The following CHD6 variants were observed in gnomAD, a reference collection of about 807,000 sequenced individuals.
The protein encoded by CHD6 is chromodomain helicase DNA binding protein 6.
In CHD6, 50 loss-of-function variants were observed where a neutral mutation model predicts 276.9. The ratio of observed to expected loss-of-function variants is 0.18; its 90% CI spans 0.14 to 0.23. The LOEUF (loss-of-function observed/expected upper bound fraction) is 0.23. Among genes scored for constraint, CHD6 ranks in the 10% least tolerant of loss-of-function variants. The pLI is 1.00. For synonymous variants in CHD6, 1,173 were observed against 1,229.3 expected (o/e 0.95, Z 0.96); for missense variants, 2,564 against 3,365.8 (o/e 0.76, Z 5.89).
intron 17 of CHD6, among the ~76,000 whole-genome samples, chr20:41,466,630 G>T (rs1010606904): frequency 2.0e-5 from 3 of 152,180 alleles, no homozygotes; most frequent in Admixed American, 1.3e-4. Flanking sequence ...ATCTTATACG[G>T]CCCTTAAGTA....
chr20:41,530,195 G>A (rs757817121), intron 3 of CHD6, among the ~76,000 whole-genome samples: 15 of 152,170 alleles, frequency 9.9e-5, no homozygotes, highest in African/African-American at 1.7e-4. Context: ...GCTGATAAAC[G>A]AATGCCCATT....
In CHD6 at chr20:41,423,566, C is replaced by A. The variant is rs1362926095; in HGVS notation, c.4481G>T (p.Ser1494Ile). 4.3e-6 allele frequency: 7 copies of A among 1,614,096 alleles called. No individual in the cohort carries two copies. The South Asian group carries it at 4.4e-5, about 10-fold the overall frequency. Residue 1494 changes from serine (S) to isoleucine (I), a missense_variant, in exon 30 of 37, where the codon AGC becomes ATC. This residue lies in a region of CHD6 where 515 missense variants were observed against 739.5 expected (regional missense o/e 0.70). Transcript: ENST00000373233. ...AAAACTATAAAAATACTGTTCCAGG[C>A]TCTCATCCGACTTCTTGTCCAAACG... is the stretch of plus-strand genomic sequence containing the variant. ...ISRLDKKSDE[S>I]LEQYFYSFVA...
At chr20:41,417,693 G>A (rs1204905001) in intron 31 of CHD6, among the ~76,000 whole-genome samples, 1 of 152,192 alleles carries the variant, frequency 6.6e-6, no homozygotes, top group East Asian at 1.9e-4. Context: ...GTGGTCAAGG[G>A]AAAGCTGAAC....
At position 41,425,277 on chromosome 20, in the gene CHD6, G is replaced by C. The variant is rs759416243; in HGVS notation, c.4247C>G (p.Pro1416Arg). Reference sequence around the variant, plus strand: ...TTGGTTACCTGGTCCCAGAATTTCAGGCCGGCACAGTTCCTTGCGGTTGCA... The same window carrying C: ...TTGGTTACCTGGTCCCAGAATTTCACGCCGGCACAGTTCCTTGCGGTTGCA... ...QRCNRKELCRPEILGPGNQGY... is the reference protein window; with the variant it reads ...QRCNRKELCRREILGPGNQGY... The change falls in exon 29 of 37, where the codon CCT (proline) becomes CGT (arginine). Residue 1416 changes from proline (P) to arginine (R), a missense_variant. Around this residue, in one of 7 missense-constraint regions of CHD6, gnomAD observed 515 missense variants for 739.5 expected, o/e 0.70. Coordinates refer to ENST00000373233, the MANE Select transcript of CHD6 (RefSeq NM_032221.5). 6.2e-7 allele frequency: 1 copy of C among 1,614,166 alleles called. No individual in the cohort carries two copies. Among genetic ancestry groups the C allele is most frequent in the South Asian group, 1.1e-5 (1 of 91,082 alleles).
intron 3 of CHD6, among the ~76,000 whole-genome samples, chr20:41,520,430 A>T (rs2044362720): frequency 6.6e-6 from 1 of 152,168 alleles, no homozygotes; most frequent in Admixed American, 6.5e-5. Flanking sequence ...CAAATGTCCA[A>T]CAATGATAGA....
At chr20:41,406,660 T>G (rs1295020107) in intron 36 of CHD6, among the ~76,000 whole-genome samples, 1 of 152,210 alleles carries the variant, frequency 6.6e-6, no homozygotes, top group Non-Finnish European at 1.5e-5. Flanking sequence ...CCCTAGAGAT[T>G]GAGAGAATTT....
intron 36 of CHD6, among the ~76,000 whole-genome samples, chr20:41,406,422 G>A (rs1181561195): frequency 6.6e-6 from 1 of 152,208 alleles, no homozygotes; most frequent in African/African-American, 2.4e-5. Context: ...TAACCCATCA[G>A]GATGGCTGAG....
chr20:41,468,908 G>A (rs1292325420), intron 17 of CHD6, among the ~76,000 whole-genome samples: 1 of 152,140 alleles, frequency 6.6e-6, no homozygotes, highest in Non-Finnish European at 1.5e-5. Flanking sequence ...CAGCTATTCA[G>A]GAGGCTGAGG....
chr20:41,429,360 T>C (rs1290015166), intron 27 of CHD6, among the ~76,000 whole-genome samples: 1 of 152,232 alleles, frequency 6.6e-6, no homozygotes, highest in African/African-American at 2.4e-5. Flanking sequence ...ACGTGACATC[T>C]GTAATGATTT....
chr20:41,521,529 T>C (rs538084122), intron 3 of CHD6, among the ~76,000 whole-genome samples: 1 of 152,342 alleles, frequency 6.6e-6, no homozygotes, highest in Admixed American at 6.5e-5. Context: ...CATGTATATG[T>C]GCATGTGTAT....
At chr20:41,571,486 G>A (rs1354883242) in intron 1 of CHD6, among the ~76,000 whole-genome samples, 4 of 149,054 alleles carry the variant, frequency 2.7e-5, no homozygotes, top group East Asian at 2.0e-4. Flanking sequence ...TCCACCTCCC[G>A]GTTCAAGTGA....
intron 16 of CHD6, among the ~76,000 whole-genome samples, chr20:41,476,611 G>C (rs1214002496): frequency 6.6e-6 from 1 of 152,138 alleles, no homozygotes; most frequent in Admixed American, 6.6e-5. Context: ...TGAAGGCTTG[G>C]TAACATAACA....
chr20:41,604,658 C>T (rs764334007), intron 1 of CHD6, among the ~76,000 whole-genome samples: 5 of 152,184 alleles, frequency 3.3e-5, no homozygotes, highest in African/African-American at 7.2e-5. Context: ...TGAACAAACA[C>T]GTCTGCACTG....
At position 41,417,262 on chromosome 20, in the gene CHD6, C is replaced by T. The variant is rs181643165; in HGVS notation, c.6215G>A (p.Arg2072Gln). The stretch of plus-strand genomic sequence containing the variant: ...TAGCAGCTGAGCAATAGTGGGAGCT[C>T]GAGCCTCCTGTAGCTCATCCCCAAT... ...GDIGDELQEARAPTIAQLLQE... is the reference protein window; with the variant it reads ...GDIGDELQEAQAPTIAQLLQE... Residue 2072 changes from arginine to glutamine, a missense_variant, in exon 32 of 37, where the codon CGA becomes CAA. Arg to Gln is a conservative substitution (Grantham distance 43). Coordinates refer to ENST00000373233, the MANE Select transcript of CHD6 (RefSeq NM_032221.5). The T allele has an allele frequency of 1.4e-4, 228 of 1,614,050 alleles. No homozygotes were observed. In the Admixed American group the frequency reaches 1.7e-3, roughly 12 times the overall value.
rs570403837 is a variant in CHD6, at chr20:41,505,093, T to C, written c.853-5736A>G. ...GTATCCAGGGTCACTGACTGAGAGA[T>C]TGGCAGGTCTTTTTTCTCTTGAGCC... is the stretch of plus-strand genomic sequence containing the variant. On this transcript the variant is annotated intron_variant, in intron 5 of 36. Transcript: ENST00000373233. Among the ~76,000 whole-genome samples the C allele has an allele frequency of 1.6e-4, 25 of 152,300 alleles. No individual in the cohort carries two copies. In the South Asian group the frequency reaches 4.3e-3, roughly 26 times the overall value.
rs1223191635 is a variant in CHD6 at position 41,403,861 on chromosome 20, G to A, written c.*732C>T. 3.8e-6 allele frequency: 4 copies of A among 1,057,426 alleles called. No homozygotes were observed. In the African/African-American group the frequency reaches 6.6e-5, roughly 17 times the overall value. The allele number at this position is 1,057,426 out of a possible 1,614,324, so 65.5% of individuals were successfully genotyped here. ...CCCCCGTCGACAGCAATAACTCATGGTGGGTAAAGCTTTCTCGCAGCAAGA... is the reference window on the plus strand; with the variant it reads ...CCCCCGTCGACAGCAATAACTCATGATGGGTAAAGCTTTCTCGCAGCAAGA... On this transcript the variant is annotated 3_prime_UTR_variant, in exon 37 of 37. Coordinates refer to ENST00000373233, the MANE Select transcript of CHD6 (RefSeq NM_032221.5).
At chr20:41,616,039 G>C (rs760854706) in intron 1 of CHD6, among the ~76,000 whole-genome samples, 3 of 152,114 alleles carry the variant, frequency 2.0e-5, no homozygotes, top group Non-Finnish European at 4.4e-5. Flanking sequence ...TTCTGCTTCA[G>C]GTTTTCTTTG....
At chr20:41,509,277 A>G (rs748615584) in intron 5 of CHD6, among the ~76,000 whole-genome samples, 2 of 152,218 alleles carry the variant, frequency 1.3e-5, no homozygotes, top group African/African-American at 2.4e-5. Context: ...CTTCATCTGA[A>G]TAGTTCCTGG....
chr20:41,509,544 A>G (rs1045929918), intron 5 of CHD6, among the ~76,000 whole-genome samples: 2 of 152,200 alleles, frequency 1.3e-5, no homozygotes, highest in Non-Finnish European at 2.9e-5. Context: ...TGCCAGGTAT[A>G]GAAAAAGGCC....
Sources: gnomAD v4.1 joint callset for allele counts (sites outside exome capture counted in the v4.1 genomes callset) on GRCh38, gnomAD v4.1.1 for gene constraint, gnomAD v4.1.1 regional missense constraint, MANE v1.5 for transcripts, NCBI Gene and HGNC (gene_info 2026-07-23, HGNC 2026-07-21) for gene names.